Variants in AP2B1 observed in about 807,000 individuals in gnomAD.
AP2B1 encodes the protein AP-2 complex subunit beta.
Under a neutral mutation model 102.0 loss-of-function variants are expected in AP2B1, and 23 were observed. The observed-to-expected ratio is 0.23, with a 90% CI of 0.16 to 0.32. The LOEUF is 0.32. Ranked by LOEUF, AP2B1 falls within the 10% of genes least tolerant of loss-of-function variation. The pLI, the probability that AP2B1 is intolerant of heterozygous loss-of-function variation, is 1.00. For synonymous variants in AP2B1, 381 were observed against 421.2 expected (o/e 0.90, Z 1.17); for missense variants, 541 against 1,157.4 (o/e 0.47, Z 7.73).
chr17:35,648,865 GA>G (rs1437684576), intron 12 of AP2B1, among the ~76,000 whole-genome samples: 2 of 151,690 alleles, frequency 1.3e-5, no homozygotes, highest in African/African-American at 2.4e-5. Context: ...AATTGGGGGA[GA>G]TTTTTTTTTT....
chr17:35,654,848 C>G (rs1420376603), intron 13 of AP2B1, among the ~76,000 whole-genome samples: 1 of 152,066 alleles, frequency 6.6e-6, no homozygotes, highest in African/African-American at 2.4e-5. Context: ...TTATAATAAC[C>G]TTAGCATTAA....
intron 20 of AP2B1, among the ~76,000 whole-genome samples, chr17:35,712,442 C>T (rs1399328752): frequency 1.3e-5 from 2 of 152,108 alleles, no homozygotes; most frequent in African/African-American, 4.8e-5. Context: ...TCCTGGCTAA[C>T]ATGGTGAAAC....
chr17:35,658,321 T>C (rs2075281049), intron 14 of AP2B1, among the ~76,000 whole-genome samples: 3 of 151,444 alleles, frequency 2.0e-5, no homozygotes, highest in Admixed American at 6.6e-5. Context: ...TTATTACAGT[T>C]GGGAAGGGCT....
At chr17:35,709,127 G>GATT in intron 18 of AP2B1, 97 bp from the exon 19 acceptor site, 1 of 1,020,310 alleles carries the variant, frequency 9.8e-7, no homozygotes, top group Non-Finnish European at 1.5e-6. Flanking sequence ...GAAAGAGGAA[G>GATT]GAAATAGGGA....
intron 15 of AP2B1, among the ~76,000 whole-genome samples, chr17:35,671,193 C>A (rs2075579945): frequency 6.6e-6 from 1 of 152,144 alleles, no homozygotes; most frequent in African/African-American, 2.4e-5. Context: ...CTGGAGAATG[C>A]TTATTCCCTG....
At chr17:35,674,058 TA>T in intron 16 of AP2B1, 117 bp from the exon 17 acceptor site, 1 of 1,008,846 alleles carries the variant, frequency 9.9e-7, no homozygotes, top group Non-Finnish European at 1.4e-6. Context: ...TATAATTGCC[TA>T]AGGAAGTGAA....
Position 35,594,014 on chromosome 17 carries a change from A to G in AP2B1, c.-17A>G. On this transcript the variant is annotated 5_prime_UTR_variant, in exon 2 of 22. Transcript: ENST00000610402. ...TTCTTTTCTCTTGCTATAGGTGCAC[A>G]TTAAAGATCCAAAGTCATGACTGAC... 6.3e-7 allele frequency: 1 copy of G among 1,576,106 alleles called. No individual in the cohort carries two copies. The highest frequency in any genetic ancestry group is 8.6e-7 in the Non-Finnish European group (1 of 1,156,772).
chr17:35,609,347 A>AAT, intron 5 of AP2B1, among the ~76,000 whole-genome samples: 1 of 46,850 alleles, frequency 2.1e-5, no homozygotes, highest in Non-Finnish European at 3.7e-5. Flanking sequence ...ACATCCCGCT[A>AAT]ATTTTTTTTT....
intron 5 of AP2B1, among the ~76,000 whole-genome samples, chr17:35,617,855 T>C (rs1171204305): frequency 1.3e-5 from 2 of 152,200 alleles, no homozygotes; most frequent in Non-Finnish European, 2.9e-5. Context: ...CAAATAACTG[T>C]GATGGTTATA....
chr17:35,593,914 T>G (rs941972846), intron 1 of AP2B1, 94 bp from the exon 2 acceptor site: 49 of 576,322 alleles, frequency 8.5e-5, no homozygotes, highest in Non-Finnish European at 9.9e-5. Context: ...TAAATATAAG[T>G]GTTCCTAAAA....
chr17:35,596,375 T>C lies in AP2B1; in HGVS notation c.38-1855T>C, dbSNP rs115868771. Among the ~76,000 whole-genome samples, 976 of 152,340 alleles carry C rather than the reference T, an allele frequency of 6.4e-3. 9 individuals are homozygous for C. The highest frequency in any genetic ancestry group is 0.022 in the African/African-American group (929 of 41,578). ...GCTACTTTTGTAGCTGTTGATTAAATAGAAATTTTGGAACAATTTTTTTGC... is the reference window on the plus strand; with the variant it reads ...GCTACTTTTGTAGCTGTTGATTAAACAGAAATTTTGGAACAATTTTTTTGC... On this transcript the variant is annotated intron_variant, in intron 2 of 21. Coordinates refer to ENST00000610402, the MANE Select transcript of AP2B1 (RefSeq NM_001030006.2).
intron 2 of AP2B1, among the ~76,000 whole-genome samples, chr17:35,594,757 T>C (rs1265273509): frequency 6.6e-6 from 1 of 152,238 alleles, no homozygotes; most frequent in African/African-American, 2.4e-5. Flanking sequence ...TTTGCACTTA[T>C]TACTCTCATC....
chr17:35,677,772 T>C (rs1007057926), intron 17 of AP2B1, among the ~76,000 whole-genome samples: 2 of 152,186 alleles, frequency 1.3e-5, no homozygotes, highest in East Asian at 3.8e-4. Context: ...CTTTAATTTC[T>C]TTTTGCAATG....
At chr17:35,649,521 C>T (rs372882968) in intron 12 of AP2B1, among the ~76,000 whole-genome samples, 29 of 152,316 alleles carry the variant, frequency 1.9e-4, no homozygotes, top group African/African-American at 6.7e-4. Context: ...CCTCCCGCCT[C>T]GGCTTCCCAA....
At chr17:35,614,326 A>G (rs2073951374) in intron 5 of AP2B1, among the ~76,000 whole-genome samples, 1 of 152,162 alleles carries the variant, frequency 6.6e-6, no homozygotes, top group Non-Finnish European at 1.5e-5. Context: ...CTGGAACTAC[A>G]GGCATATGCT....
At chr17:35,617,087 G>T (rs895776871) in intron 5 of AP2B1, among the ~76,000 whole-genome samples, 3 of 151,900 alleles carry the variant, frequency 2.0e-5, no homozygotes, top group African/African-American at 7.3e-5. Flanking sequence ...ACAAAGTCTT[G>T]CTCTGTCGCG....
chr17:35,712,286 A>G (rs1309916406), intron 20 of AP2B1, among the ~76,000 whole-genome samples: 5 of 152,172 alleles, frequency 3.3e-5, no homozygotes, highest in Admixed American at 1.3e-4. Context: ...AGTTGGTTCA[A>G]TGGCAACATT....
chr17:35,598,432 A>C, intron 3 of AP2B1, 97 bp downstream of exon 3: 1 of 683,434 alleles, frequency 1.5e-6, no homozygotes, highest in Non-Finnish European at 2.3e-6. Context: ...TAATCATAGA[A>C]CCTCTAAGAA....
intron 14 of AP2B1, among the ~76,000 whole-genome samples, chr17:35,664,969 G>A (rs2075433712): frequency 6.6e-6 from 1 of 151,916 alleles, no homozygotes; most frequent in African/African-American, 2.4e-5. Flanking sequence ...TCCCCCCTCA[G>A]GTTATGGAGT....
Sources: allele counts gnomAD v4.1 joint callset (sites outside exome capture counted in the v4.1 genomes callset), GRCh38; gene constraint gnomAD v4.1.1; transcripts MANE v1.5; gene names NCBI Gene and HGNC (gene_info 2026-07-23, HGNC 2026-07-21).